The following ACTA2 variants were observed in gnomAD, a reference collection of about 807,000 sequenced individuals.
The protein encoded by ACTA2 is actin, aortic smooth muscle.
A neutral mutation model predicts 39.5 loss-of-function variants in ACTA2; 12 were observed. The ratio of observed to expected loss-of-function variants is 0.30; its 90% CI spans 0.19 to 0.49. The LOEUF (loss-of-function observed/expected upper bound fraction) is 0.49, where lower values mean the gene tolerates loss of function less well. Ranked by LOEUF, ACTA2 falls within the 20% of genes least tolerant of loss-of-function variation. The pLI is 0.99. For missense variants in ACTA2, 236 were observed against 498.8 expected, an observed-to-expected ratio of 0.47 and a Z score of 5.02; for synonymous variants, 158 against 180.6, an observed-to-expected ratio of 0.88 and a Z score of 1.00.
intron 7 of ACTA2, 173 bp downstream of exon 7, chr10:88,939,334 T>A (rs1845804707): frequency 1.3e-6 from 1 of 795,008 alleles, no homozygotes; most frequent in Admixed American, 2.1e-5. Context: ...AAAACCTTTT[T>A]CCTGGCCTCA....
chr10:88,948,533 G>T (rs1427209121), intron 2 of ACTA2: 22 of 405,982 alleles, frequency 5.4e-5, no homozygotes, highest in Non-Finnish European at 9.8e-5. Context: ...GAAATGATTT[G>T]ATGATGATGA....
At chr10:88,981,234 T>C (rs763720379) in intron 1 of ACTA2, among the ~76,000 whole-genome samples, 23 of 152,244 alleles carry the variant, frequency 1.5e-4, no homozygotes, top group Non-Finnish European at 3.1e-4. Flanking sequence ...TAACCTATGT[T>C]TCTTAATCTG....
chr10:88,948,753 G>T, intron 2 of ACTA2, 49 bp downstream of exon 2: 1 of 1,611,822 alleles, frequency 6.2e-7, no homozygotes, highest in South Asian at 1.1e-5. Flanking sequence ...CATGAACACA[G>T]AGGAACCTAA....
At chr10:88,948,472 C>CAGT (rs1845993064) in intron 2 of ACTA2, 1 of 304,244 alleles carries the variant, frequency 3.3e-6, no homozygotes, top group South Asian at 3.3e-5. Flanking sequence ...TCTTTCCAAA[C>CAGT]AGTAGCTTTG....
chr10:88,948,916 C>T lies in ACTA2; in HGVS notation c.15G>A (p.Glu5=), dbSNP rs1589400507. 1 of 1,613,842 alleles carries T rather than the reference C, an allele frequency of 6.2e-7. No individual in the cohort carries two copies. The highest frequency in any genetic ancestry group is 8.5e-7 in the Non-Finnish European group (1 of 1,179,810). Residue 5 remains glutamate (E), a synonymous_variant, in exon 2 of 9, where the codon GAG becomes GAA. Transcript: ENST00000224784. The part of the protein sequence containing the change: MCEE[E]DSTALVCDNG... Reference sequence around the variant, plus strand: ...TGTCACACACCAAGGCAGTGCTGTCCTCTTCTTCACACATAGCTGGAGCTG... The same window carrying T: ...TGTCACACACCAAGGCAGTGCTGTCTTCTTCTTCACACATAGCTGGAGCTG...
At chr10:88,950,772 A>G (rs896004178) in intron 1 of ACTA2, among the ~76,000 whole-genome samples, 1 of 152,222 alleles carries the variant, frequency 6.6e-6, no homozygotes, top group South Asian at 2.1e-4. Flanking sequence ...CTAAACCACA[A>G]TTTCCTTACT....
At chr10:88,948,528 G>A (rs561115804) in intron 2 of ACTA2, 64 of 418,362 alleles carry the variant, frequency 1.5e-4, no homozygotes, top group African/African-American at 1.2e-3. Context: ...GTGATGAAAT[G>A]ATTTGATGAT....
At chr10:88,968,108 A>T (rs1446456691) in intron 1 of ACTA2, among the ~76,000 whole-genome samples, 2 of 152,136 alleles carry the variant, frequency 1.3e-5, no homozygotes, top group African/African-American at 4.8e-5. Context: ...TATTCAATTC[A>T]GTAGTTTCTG....
Position 88,940,956 on chromosome 10 carries a change from A to AT in ACTA2, c.616+272dup, listed in dbSNP as rs548936061. 1.4e-3 allele frequency: 563 copies of AT among 405,824 alleles called. 2 individuals are homozygous for AT. The highest frequency in any genetic ancestry group is 0.011 in the South Asian group (543 of 48,410). 25.1% of individuals were successfully genotyped at this position (405,824 alleles called of 1,614,324 possible). ...TTCAGTCTCTGCACAATCTTCTTCTATTTGCTAATGGAGGGGATTAAAAAA... is the reference window on the plus strand; with the variant it reads ...TTCAGTCTCTGCACAATCTTCTTCTATTTTGCTAATGGAGGGGATTAAAAAA... On this transcript the variant is annotated intron_variant, in intron 6 of 8. Coordinates refer to ENST00000224784, the MANE Select transcript of ACTA2 (RefSeq NM_001613.4).
At chr10:88,974,379 TA>T (rs1332838970) in intron 1 of ACTA2, 1 of 152,146 alleles carries the variant, frequency 6.6e-6, no homozygotes, top group Non-Finnish European at 1.5e-5. Context: ...CTTTATGTAT[TA>T]AAAGTGATAT....
At chr10:88,969,701 G>A (rs868386748) in intron 1 of ACTA2, among the ~76,000 whole-genome samples, 6 of 151,958 alleles carry the variant, frequency 3.9e-5, no homozygotes, top group Admixed American at 1.3e-4. Context: ...TTTCATATAC[G>A]TTAATAGCAC....
chr10:88,976,181 AACAC>A lies in ACTA2; in HGVS notation c.-24+14754_-24+14757del, dbSNP rs552706640. 3.3e-3 allele frequency among the ~76,000 whole-genome samples: 498 copies of A among 152,326 alleles called. 3 individuals are homozygous for A. Among genetic ancestry groups the A allele is most frequent in the African/African-American group, 0.011 (474 of 41,564 alleles). ...TCTTGGGCCACACATAAAATACACT[AACAC>A]TAACTATAGCTGATGAGCTAAAAAA... On this transcript the variant is annotated intron_variant, in intron 1 of 4. Coordinates refer to the ACTA2 transcript ENST00000415557.
intron 1 of ACTA2, among the ~76,000 whole-genome samples, chr10:88,981,522 G>A (rs138229191): frequency 1.8e-4 from 28 of 152,222 alleles, no homozygotes; most frequent in African/African-American, 6.3e-4. Flanking sequence ...GGAAAGGAAG[G>A]CAAATTGAAG....
chr10:88,987,913 A>G (rs530502239), intron 1 of ACTA2, among the ~76,000 whole-genome samples: 28 of 152,346 alleles, frequency 1.8e-4, no homozygotes, highest in African/African-American at 6.7e-4. Context: ...TATAATGTCA[A>G]TAGGCCTTAT....
At chr10:88,988,735 A>T (rs1846997365) in intron 1 of ACTA2, among the ~76,000 whole-genome samples, 1 of 152,206 alleles carries the variant, frequency 6.6e-6, no homozygotes, top group Admixed American at 6.5e-5. Context: ...AGCATTCATT[A>T]GGTGTTCATT....
chr10:88,988,383 G>C (rs1200978321), intron 1 of ACTA2, among the ~76,000 whole-genome samples: 1 of 144,358 alleles, frequency 6.9e-6, no homozygotes, highest in Admixed American at 7.0e-5. Context: ...AAGGGGAAAA[G>C]AACAAAAGTC....
intron 8 of ACTA2, among the ~76,000 whole-genome samples, chr10:88,936,020 GT>G (rs1295664650): frequency 6.6e-6 from 1 of 152,206 alleles, no homozygotes; most frequent in Non-Finnish European, 1.5e-5. Context: ...TGGCTAACCA[GT>G]TTAATCTTTA....
At chr10:88,980,136 C>G (rs1013843565) in intron 1 of ACTA2, among the ~76,000 whole-genome samples, 7 of 152,216 alleles carry the variant, frequency 4.6e-5, no homozygotes, top group African/African-American at 1.7e-4. Flanking sequence ...CCCTTCTGGT[C>G]TGGACAGAAA....
At chr10:88,991,187 C>G in exon 1 of ACTA2, 2 of 573,300 alleles carry the variant, frequency 3.5e-6, no homozygotes. Flanking sequence ...CGGCGCTCCT[C>G]GGAGACCACT....
Sources: gnomAD v4.1 joint callset for allele counts (sites outside exome capture counted in the v4.1 genomes callset) on GRCh38, gnomAD v4.1.1 for gene constraint, MANE v1.5 for transcripts, NCBI Gene and HGNC (gene_info 2026-07-23, HGNC 2026-07-21) for gene names.